Variants in GRK5 observed in about 807,000 individuals in gnomAD.
The protein encoded by GRK5 is G protein-coupled receptor kinase 5.
GRK5 carries 40 observed loss-of-function variants against 78.4 expected under a neutral mutation model. The observed-to-expected ratio is 0.51, with a 90% CI of 0.40 to 0.66. The LOEUF is 0.66. GRK5 is among the 30% of genes least tolerant of loss of function. The pLI is 0.00. For synonymous variants in GRK5, 289 were observed against 296.8 expected (o/e 0.97, Z 0.27); for missense variants, 598 against 759.9 (o/e 0.79, Z 2.50).
intron 1 of GRK5, among the ~76,000 whole-genome samples, chr10:119,229,129 G>T (rs551625237): frequency 2.0e-5 from 3 of 152,076 alleles, no homozygotes; most frequent in Admixed American, 6.6e-5. Context: ...TGTTAGGCTT[G>T]ATGCGTAAAG....
intron 1 of GRK5, among the ~76,000 whole-genome samples, chr10:119,293,584 G>A (rs966261696): frequency 3.3e-5 from 5 of 152,196 alleles, no homozygotes; most frequent in African/African-American, 1.2e-4. Context: ...TGTTGACTGC[G>A]GATTGCCAGG....
Position 119,238,429 on chromosome 10 carries a change from A to G in GRK5, c.52+30460A>G, listed in dbSNP as rs1331491463. 2.6e-5 allele frequency among the ~76,000 whole-genome samples: 4 copies of G among 152,152 alleles called. No homozygotes were observed. Among genetic ancestry groups the G allele is most frequent in the South Asian group, 2.1e-4 (1 of 4,828 alleles). On this transcript the variant is annotated intron_variant, in intron 1 of 15. Transcript: ENST00000392870. The surrounding 1 kb of genome is among the most constrained non-coding windows in gnomAD (Gnocchi z 4.7). Reference sequence around the variant, plus strand: ...CCTGCCTGGCACTGGGATGGACCCAATGGTCTCCCCAGCCTTCTTTGTTCT... The same window carrying G: ...CCTGCCTGGCACTGGGATGGACCCAGTGGTCTCCCCAGCCTTCTTTGTTCT...
chr10:119,314,590 A>G (rs1850451745), intron 1 of GRK5, among the ~76,000 whole-genome samples: 1 of 152,218 alleles, frequency 6.6e-6, no homozygotes, highest in African/African-American at 2.4e-5. Flanking sequence ...CATGGCGCCT[A>G]AAAGCTCCTG....
At chr10:119,213,664 G>A (rs559398184) in intron 1 of GRK5, among the ~76,000 whole-genome samples, 1 of 152,188 alleles carries the variant, frequency 6.6e-6, no homozygotes, top group Non-Finnish European at 1.5e-5. Flanking sequence ...CAGAGATAAT[G>A]TCATTCCTTT....
Position 119,431,627 on chromosome 10 carries a change from C to T in GRK5, c.738+100C>T. On this transcript the variant is annotated intron_variant, in intron 8 of 15. Transcript: ENST00000392870. This position sits in a 1 kb window ranked among gnomAD's most constrained non-coding sequence, Gnocchi z 4.8. The stretch of plus-strand genomic sequence containing the variant: ...GGTCCTCTAATGCGGCCGGTCCCCA[C>T]CCCTGGGAAGGGGAATGCCAGTGGC... The T allele has an allele frequency of 1.4e-6, 2 of 1,399,628 alleles. No homozygotes were observed. Among genetic ancestry groups the T allele is most frequent in the Non-Finnish European group, 1.9e-6 (2 of 1,037,026 alleles). 86.7% of individuals were successfully genotyped at this position (1,399,628 alleles called of 1,614,324 possible).
intron 1 of GRK5, among the ~76,000 whole-genome samples, chr10:119,247,480 A>C (rs1849132033): frequency 6.6e-6 from 1 of 152,208 alleles, no homozygotes; most frequent in African/African-American, 2.4e-5. Context: ...CACACACCAG[A>C]TGAAACCCTT....
At chr10:119,361,479 C>T (rs1401701337) in intron 2 of GRK5, among the ~76,000 whole-genome samples, 1 of 152,180 alleles carries the variant, frequency 6.6e-6, no homozygotes, top group Non-Finnish European at 1.5e-5. Context: ...GGGCACACAA[C>T]CATGGATAAG....
chr10:119,422,771 G>C (rs1452848800), intron 4 of GRK5, among the ~76,000 whole-genome samples: 12 of 152,234 alleles, frequency 7.9e-5, no homozygotes, highest in Admixed American at 5.9e-4. Context: ...TTATGGTTGG[G>C]AGCATTTGCA....
At chr10:119,293,269 C>T (rs1453667291) in intron 1 of GRK5, among the ~76,000 whole-genome samples, 1 of 152,148 alleles carries the variant, frequency 6.6e-6, no homozygotes, top group Non-Finnish European at 1.5e-5. Context: ...CCTGTGATTC[C>T]AGCACTTTGG....
chr10:119,281,466 G>A (rs1056762948), intron 1 of GRK5, among the ~76,000 whole-genome samples: 2 of 152,144 alleles, frequency 1.3e-5, no homozygotes, highest in Non-Finnish European at 2.9e-5. Flanking sequence ...AGTGGTGATG[G>A]CTCGTTCATT....
At chr10:119,226,141 G>A (rs531941103) in intron 1 of GRK5, among the ~76,000 whole-genome samples, 2 of 151,498 alleles carry the variant, frequency 1.3e-5, no homozygotes, top group Non-Finnish European at 2.9e-5. Flanking sequence ...GCCAGCACCC[G>A]GCTAATTTTT....
chr10:119,288,378 G>T (rs991567921), intron 1 of GRK5, among the ~76,000 whole-genome samples: 2 of 152,206 alleles, frequency 1.3e-5, no homozygotes, highest in Admixed American at 6.5e-5. Context: ...TGTCTTGCTT[G>T]TTGTAGTTCT....
chr10:119,219,409 G>T (rs749354723), intron 1 of GRK5, among the ~76,000 whole-genome samples: 1 of 152,152 alleles, frequency 6.6e-6, no homozygotes, highest in Non-Finnish European at 1.5e-5. Context: ...TAGATTTTCA[G>T]ATTTGGGATG....
At chr10:119,426,526 G>A (rs1408446901) in intron 6 of GRK5, among the ~76,000 whole-genome samples, 1 of 152,220 alleles carries the variant, frequency 6.6e-6, no homozygotes, top group African/African-American at 2.4e-5. Context: ...TGTAAAATGT[G>A]GATGATTGTG....
intron 4 of GRK5, among the ~76,000 whole-genome samples, chr10:119,407,970 C>G (rs1449103092): frequency 6.6e-6 from 1 of 152,012 alleles, no homozygotes; most frequent in Non-Finnish European, 1.5e-5. Context: ...TCAAGACCAG[C>G]CTGACCAACA....
chr10:119,424,853 G>T (rs1852640812), intron 5 of GRK5, 140 bp from the exon 6 acceptor site: 1 of 658,598 alleles, frequency 1.5e-6, no homozygotes, highest in South Asian at 1.7e-5. Context: ...TAGAATGGCA[G>T]GACCTCTGGC....
At chr10:119,333,800 C>T (rs1212753890) in intron 2 of GRK5, 4 of 533,132 alleles carry the variant, frequency 7.5e-6, no homozygotes, top group Non-Finnish European at 1.5e-5. Context: ...TCCTGGAGCT[C>T]ATCCACCAAG....
intron 2 of GRK5, among the ~76,000 whole-genome samples, chr10:119,343,766 G>C (rs560644839): frequency 1.3e-5 from 2 of 152,224 alleles, no homozygotes; most frequent in African/African-American, 2.4e-5. Flanking sequence ...GGGATCCATT[G>C]AATGTTCATC....
chr10:119,216,119 A>G (rs887131635), intron 1 of GRK5, among the ~76,000 whole-genome samples: 1 of 152,258 alleles, frequency 6.6e-6, no homozygotes, highest in Non-Finnish European at 1.5e-5. Context: ...TTGAAACAAT[A>G]AAACAGTTCA....
Sources: gnomAD v4.1 joint callset for allele counts (sites outside exome capture counted in the v4.1 genomes callset) on GRCh38, gnomAD v4.1.1 for gene constraint, Gnocchi (gnomAD v3.1) non-coding constraint, MANE v1.5 for transcripts, NCBI Gene and HGNC (gene_info 2026-07-23, HGNC 2026-07-21) for gene names.